The following THSD4 variants were observed in gnomAD, a reference collection of about 807,000 sequenced individuals.
THSD4 encodes thrombospondin type-1 domain-containing protein 4.
Under a neutral mutation model 119.0 loss-of-function variants are expected in THSD4, and 69 were observed. The observed-to-expected ratio is 0.58, with a 90% CI of 0.48 to 0.71. The LOEUF is 0.71. Among genes scored for constraint, THSD4 ranks in the 30% least tolerant of loss-of-function variants. THSD4 has a pLI of 0.00. For synonymous variants in THSD4, 524 were observed against 540.4 expected (o/e 0.97, Z 0.42); for missense variants, 1,393 against 1,391.1 (o/e 1.00, Z -0.02).
At chr15:71,376,000 C>T (rs1442364295) in intron 6 of THSD4, among the ~76,000 whole-genome samples, 1 of 152,220 alleles carries the variant, frequency 6.6e-6, no homozygotes, top group Non-Finnish European at 1.5e-5. Context: ...CGACTAGGCC[C>T]TACCTGCGAC....
In THSD4 at chr15:71,706,486, A is replaced by G. The variant is rs182004815; in HGVS notation, c.1358-22063A>G. Among the ~76,000 whole-genome samples, 543 of 152,296 alleles carry G rather than the reference A, an allele frequency of 3.6e-3. 1 individual carries two copies. Among genetic ancestry groups the G allele is most frequent in the Non-Finnish European group, 5.1e-3 (345 of 68,020 alleles). On this transcript the variant is annotated intron_variant, in intron 8 of 17. Coordinates refer to ENST00000261862, the MANE Select transcript of THSD4 (RefSeq NM_024817.3). ...TCAGGACAAAAGATATAAATTGTGG[A>G]TAGTTGGGATTGTCCAAGGGATAGA...
intron 7 of THSD4, among the ~76,000 whole-genome samples, chr15:71,649,478 T>C (rs1428592861): frequency 6.6e-6 from 1 of 152,168 alleles, no homozygotes; most frequent in Non-Finnish European, 1.5e-5. Flanking sequence ...GGTTTCACCA[T>C]GTTGGCCAGG....
upstream of THSD4, among the ~76,000 whole-genome samples, chr15:71,112,707 G>A (rs147669369): frequency 0.034 from 5,142 of 152,252 alleles, 124 homozygotes; most frequent in Non-Finnish European, 0.047. Context: ...TCTCTCTTTC[G>A]GTGAGGGTCA....
chr15:71,446,184 T>C (rs1466277082), intron 7 of THSD4, among the ~76,000 whole-genome samples: 2 of 152,246 alleles, frequency 1.3e-5, no homozygotes, highest in Non-Finnish European at 1.5e-5. Flanking sequence ...CCAAGGAAAC[T>C]ACCTCCTTAG....
intron 3 of THSD4, among the ~76,000 whole-genome samples, chr15:71,191,736 C>T (rs1377719844): frequency 6.6e-6 from 1 of 152,120 alleles, no homozygotes; most frequent in Non-Finnish European, 1.5e-5. Context: ...GCAATCTCAT[C>T]TCCTTTTACC....
At chr15:71,447,222 G>C (rs2047197937) in intron 7 of THSD4, among the ~76,000 whole-genome samples, 1 of 144,554 alleles carries the variant, frequency 6.9e-6, no homozygotes, top group South Asian at 2.3e-4. Flanking sequence ...TTGGGTTCAA[G>C]GAATTCTCCT....
chr15:71,532,263 T>TGAGAGAGAGAGA (rs112859786), intron 7 of THSD4, among the ~76,000 whole-genome samples: 2,667 of 71,172 alleles, frequency 0.037, 159 homozygotes, highest in East Asian at 0.11. Flanking sequence ...CAACAAAGGG[T>TGAGAGAGAGAGA]GAGAGAGAGA....
At chr15:71,688,418 T>A (rs896230537) in intron 8 of THSD4, among the ~76,000 whole-genome samples, 7 of 152,244 alleles carry the variant, frequency 4.6e-5, no homozygotes, top group African/African-American at 1.7e-4. Context: ...TGTGTCCTAA[T>A]TTTTTAAGAG....
chr15:71,654,371 A>T (rs2051148734), intron 7 of THSD4, among the ~76,000 whole-genome samples: 1 of 152,238 alleles, frequency 6.6e-6, no homozygotes, highest in Admixed American at 6.5e-5. Flanking sequence ...TAATGAGAAT[A>T]ACAACTGGAA....
intron 6 of THSD4, among the ~76,000 whole-genome samples, chr15:71,284,682 A>G (rs1404245201): frequency 3.3e-5 from 5 of 152,096 alleles, no homozygotes; most frequent in Non-Finnish European, 7.4e-5. Flanking sequence ...AAACTCTCAA[A>G]CCTTTTCATA....
At chr15:71,685,926 A>G (rs914541574) in intron 8 of THSD4, among the ~76,000 whole-genome samples, 9 of 152,230 alleles carry the variant, frequency 5.9e-5, no homozygotes, top group Admixed American at 2.0e-4. Flanking sequence ...TTTCAGATAT[A>G]CTTTTCCAAG....
intron 7 of THSD4, among the ~76,000 whole-genome samples, chr15:71,628,585 G>A (rs2140939868): frequency 6.6e-6 from 1 of 152,324 alleles, no homozygotes; most frequent in African/African-American, 2.4e-5. Flanking sequence ...TTCCTCTTCA[G>A]GAGGTTTAGG....
In THSD4 at chr15:71,386,940, G is replaced by A. The variant is rs76962439; in HGVS notation, c.1016-24747G>A. Among the ~76,000 whole-genome samples, 1,438 of 152,242 alleles carry A rather than the reference G, an allele frequency of 9.4e-3. 32 individuals carry two copies. Among genetic ancestry groups the A allele is most frequent in the African/African-American group, 0.033 (1,386 of 41,520 alleles). On this transcript the variant is annotated intron_variant, in intron 6 of 17. Coordinates refer to ENST00000261862, the MANE Select transcript of THSD4 (RefSeq NM_024817.3). ...AACAGAACAGAAAAGGATTCTGTTCGCCTCGTAATCAACATGTATTTGCAT... is the reference window on the plus strand; with the variant it reads ...AACAGAACAGAAAAGGATTCTGTTCACCTCGTAATCAACATGTATTTGCAT...
chr15:71,457,755 G>A (rs552831621), intron 7 of THSD4, among the ~76,000 whole-genome samples: 56 of 152,218 alleles, frequency 3.7e-4, no homozygotes, highest in Middle Eastern at 3.4e-3. Context: ...CACCACCACT[G>A]TACTCTACCC....
chr15:71,577,171 G>C (rs1226010053), intron 7 of THSD4, among the ~76,000 whole-genome samples: 1 of 151,646 alleles, frequency 6.6e-6, no homozygotes, highest in African/African-American at 2.4e-5. Context: ...GAACTAGACT[G>C]TAATTCCTTT....
At chr15:71,669,445 G>A (rs770395705) in intron 8 of THSD4, among the ~76,000 whole-genome samples, 15 of 151,850 alleles carry the variant, frequency 9.9e-5, no homozygotes, top group Non-Finnish European at 1.9e-4. Context: ...TTTAAGTCCT[G>A]GGGTACATGT....
intron 8 of THSD4, among the ~76,000 whole-genome samples, chr15:71,715,641 A>T (rs1370181292): frequency 6.6e-6 from 1 of 152,024 alleles, no homozygotes; most frequent in Non-Finnish European, 1.5e-5. Flanking sequence ...GAACTATCCT[A>T]TGTTGGTTCA....
Position 71,318,956 on chromosome 15 carries a change from CAG to C in THSD4, c.1015+62244_1015+62245del, listed in dbSNP as rs1183063782. Among the ~76,000 whole-genome samples, 5 of 152,126 alleles carry C rather than the reference CAG, an allele frequency of 3.3e-5. No homozygotes were observed. The East Asian group carries it at 5.8e-4, about 18-fold the overall frequency. On this transcript the variant is annotated intron_variant, in intron 6 of 17. Transcript: ENST00000261862. ...GCTTTGGATAATTTGTTTTATTTCT[CAG>C]AGTTTCAGTTTCCTCAGTTTCAAAA...
intron 6 of THSD4, among the ~76,000 whole-genome samples, chr15:71,290,006 C>G (rs2044769125): frequency 6.6e-6 from 1 of 152,092 alleles, no homozygotes; most frequent in South Asian, 2.1e-4. Flanking sequence ...GCTGATACCT[C>G]CTCACCTACC....
Sources: gnomAD v4.1 joint callset for allele counts (sites outside exome capture counted in the v4.1 genomes callset) on GRCh38, gnomAD v4.1.1 for gene constraint, MANE v1.5 for transcripts, NCBI Gene and HGNC (gene_info 2026-07-23, HGNC 2026-07-21) for gene names.